The following COL28A1 variants were observed in gnomAD, a reference collection of about 807,000 sequenced individuals.
COL28A1 encodes the protein collagen alpha-1(XXVIII) chain.
COL28A1 carries 161 observed loss-of-function variants against 150.2 expected under a neutral mutation model. That is an observed-to-expected ratio of 1.07 (90% confidence interval 0.94 to 1.22). The LOEUF is 1.22. Among genes scored for constraint, COL28A1 ranks in the 50% most tolerant of loss-of-function variants. The pLI, the probability that COL28A1 is intolerant of heterozygous loss-of-function variation, is 0.00. For synonymous variants in COL28A1, 552 were observed against 469.7 expected, an observed-to-expected ratio of 1.18 and a Z score of -2.26; for missense variants, 1,617 against 1,388.3, an observed-to-expected ratio of 1.16 and a Z score of -2.62.
upstream of COL28A1, among the ~76,000 whole-genome samples, chr7:7,536,005 G>C (rs1782620271): frequency 6.6e-6 from 1 of 152,224 alleles, no homozygotes; most frequent in Non-Finnish European, 1.5e-5. Context: ...TGTCCTTTCA[G>C]AATGAGACTG....
intron 27 of COL28A1, among the ~76,000 whole-genome samples, chr7:7,390,326 A>C (rs1782462117): frequency 6.6e-6 from 1 of 152,216 alleles, no homozygotes; most frequent in Admixed American, 6.5e-5. Context: ...CCAGCCTTGC[A>C]TCCCAGGGAT....
At chr7:7,533,933 C>T (rs1228155222) in intron 1 of COL28A1, among the ~76,000 whole-genome samples, 2 of 152,176 alleles carry the variant, frequency 1.3e-5, no homozygotes, top group Admixed American at 6.5e-5. Context: ...AAAGGAATCA[C>T]ATTTTCCTTC....
At chr7:7,452,209 A>G (rs1786748151) in intron 18 of COL28A1, 110 bp downstream of exon 18, 1 of 1,473,390 alleles carries the variant, frequency 6.8e-7, no homozygotes, top group Non-Finnish European at 9.0e-7. Flanking sequence ...GGAGCCCATT[A>G]TGTAGAGTTA....
chr7:7,373,557 A>G lies in COL28A1; in HGVS notation c.2360-11T>C. 1 of 1,599,120 alleles carries G rather than the reference A, an allele frequency of 6.3e-7. No homozygotes were observed. The highest frequency in any genetic ancestry group is 8.5e-7 in the Non-Finnish European group (1 of 1,172,800). ...ATTTGGGCCCACAACCTAAAAGATGAATGTTGAGAGAGAAAAATTGTGGGA... is the reference window on the plus strand; with the variant it reads ...ATTTGGGCCCACAACCTAAAAGATGGATGTTGAGAGAGAAAAATTGTGGGA... On this transcript the variant is annotated splice_polypyrimidine_tract_variant and intron_variant, in intron 31 of 34. Coordinates refer to ENST00000399429, the MANE Select transcript of COL28A1 (RefSeq NM_001037763.3). The surrounding 1 kb of genome is among the most constrained non-coding windows in gnomAD (Gnocchi z 4.1).
intron 28 of COL28A1, 117 bp downstream of exon 28, chr7:7,381,427 T>C (rs1421856149): frequency 1.3e-5 from 9 of 718,834 alleles, no homozygotes; most frequent in Non-Finnish European, 2.2e-5. Context: ...GTGGATTGTT[T>C]TTCTTCTGAG....
Position 7,519,996 on chromosome 7 carries a change from G to C in COL28A1, c.813+66C>G, listed in dbSNP as rs908430329. ...TACAATGCTTTTTATTTTTAAAATT[G>C]TTGTTTTAAAAAAAAAGTCTAGAAG... is the stretch of plus-strand genomic sequence containing the variant. On this transcript the variant is annotated intron_variant, in intron 6 of 34. Transcript: ENST00000399429. The C allele has an allele frequency of 4.3e-5, 35 of 810,294 alleles. No individual in the cohort carries two copies. The East Asian group carries it at 8.4e-4, about 20-fold the overall frequency. The allele number at this position is 810,294 out of a possible 1,614,324, so 50.2% of individuals were successfully genotyped here.
At chr7:7,484,141 C>T (rs1331711165) in intron 13 of COL28A1, among the ~76,000 whole-genome samples, 2 of 151,894 alleles carry the variant, frequency 1.3e-5, no homozygotes, top group Admixed American at 6.6e-5. Flanking sequence ...AATATACTCA[C>T]ATTTATATGC....
At chr7:7,514,760 C>T (rs985392497) in intron 8 of COL28A1, among the ~76,000 whole-genome samples, 1 of 152,210 alleles carries the variant, frequency 6.6e-6, no homozygotes, top group Non-Finnish European at 1.5e-5. Flanking sequence ...AACTTCCCTT[C>T]CCACCTCCAA....
At chr7:7,404,863 T>A (rs1289723568) in intron 27 of COL28A1, among the ~76,000 whole-genome samples, 2 of 152,168 alleles carry the variant, frequency 1.3e-5, no homozygotes, top group Non-Finnish European at 2.9e-5. Flanking sequence ...TTACATATGT[T>A]CAGTGAACAT....
chr7:7,529,830 A>C (rs1268489210), intron 3 of COL28A1, among the ~76,000 whole-genome samples: 3 of 152,152 alleles, frequency 2.0e-5, no homozygotes, highest in Non-Finnish European at 4.4e-5. Context: ...AGTGGTGAGG[A>C]CCCCTTAAGT....
At chr7:7,370,645 G>A in intron 33 of COL28A1, 80 bp downstream of exon 33, 1 of 1,209,194 alleles carries the variant, frequency 8.3e-7, no homozygotes, top group Non-Finnish European at 1.2e-6. Context: ...TCTTGACAAT[G>A]CAGGGCAGAA....
intron 26 of COL28A1, among the ~76,000 whole-genome samples, chr7:7,419,604 G>A (rs76637295): frequency 0.1 from 15,645 of 152,204 alleles, 949 homozygotes; most frequent in Middle Eastern, 0.21. Context: ...TGTGCTTCTT[G>A]ATGACGGCAC....
At position 7,380,870 on chromosome 7, in the gene COL28A1, C is replaced by A. The variant is rs1411185658; in HGVS notation, c.2206-8G>T. 6.2e-7 allele frequency: 1 copy of A among 1,607,982 alleles called. No individual in the cohort carries two copies. Among genetic ancestry groups the A allele is most frequent in the Non-Finnish European group, 8.5e-7 (1 of 1,174,758 alleles). ...CCGTTCTCCGTGCTCTCCCTTTACA[C>A]AATAGGGTAAAATGATAGGTTCAGA... On this transcript the variant is annotated splice_polypyrimidine_tract_variant and splice_region_variant and intron_variant, in intron 28 of 34. Transcript: ENST00000399429.
chr7:7,383,697 T>A (rs58844083), intron 27 of COL28A1, among the ~76,000 whole-genome samples: 2,283 of 144,826 alleles, frequency 0.016, 77 homozygotes, highest in African/African-American at 0.055. Flanking sequence ...TATATATATA[T>A]ATATATGTAT....
chr7:7,445,676 A>G lies in COL28A1; in HGVS notation c.1510-1187T>C, dbSNP rs549481891. ...AATATGCTACTTTCAATCAGTTTAAAGCATCTTTATGGCATTTATTAATAG... is the reference window on the plus strand; with the variant it reads ...AATATGCTACTTTCAATCAGTTTAAGGCATCTTTATGGCATTTATTAATAG... On this transcript the variant is annotated intron_variant, in intron 18 of 34. Coordinates refer to ENST00000399429, the MANE Select transcript of COL28A1 (RefSeq NM_001037763.3). Among the ~76,000 whole-genome samples, 3 of 152,328 alleles carry G rather than the reference A, an allele frequency of 2.0e-5. No individual in the cohort carries two copies. The South Asian group carries it at 6.2e-4, about 32-fold the overall frequency.
chr7:7,419,987 T>C (rs1784308266), intron 25 of COL28A1, 34 bp from the exon 26 acceptor site: 4 of 1,448,650 alleles, frequency 2.8e-6, no homozygotes, highest in Non-Finnish European at 3.7e-6. Context: ...AGTTACTAAT[T>C]TTTTAAAGAC....
chr7:7,432,582 G>A lies in COL28A1; in HGVS notation c.1930-41C>T, dbSNP rs751277617. The A allele has an allele frequency of 6.8e-6, 11 of 1,610,480 alleles. No homozygotes were observed. In the Middle Eastern group the frequency reaches 8.2e-4, roughly 120 times the overall value. ...AAGGGAGGGAGTGAGCATCCTTGTAGTATGCAACACTCAAAAAGGAGGGAG... is the reference window on the plus strand; with the variant it reads ...AAGGGAGGGAGTGAGCATCCTTGTAATATGCAACACTCAAAAAGGAGGGAG... On this transcript the variant is annotated intron_variant, in intron 24 of 34. Transcript: ENST00000399429.
intron 8 of COL28A1, among the ~76,000 whole-genome samples, chr7:7,512,146 T>C (rs974381995): frequency 2.6e-5 from 4 of 152,194 alleles, no homozygotes; most frequent in South Asian, 2.1e-4. Context: ...ATCTCACTTA[T>C]ATGTGAGATC....
At chr7:7,358,892 A>G in intron 34 of COL28A1, 87 bp from the exon 35 acceptor site, 3 of 1,128,224 alleles carry the variant, frequency 2.7e-6, no homozygotes, top group Non-Finnish European at 2.5e-6. Context: ...ATATAAATAA[A>G]CTTTATTCTT....
Sources: gnomAD v4.1 joint callset for allele counts (sites outside exome capture counted in the v4.1 genomes callset) on GRCh38, gnomAD v4.1.1 for gene constraint, Gnocchi (gnomAD v3.1) non-coding constraint, MANE v1.5 for transcripts, NCBI Gene and HGNC (gene_info 2026-07-23, HGNC 2026-07-21) for gene names.